The following LUZP1 variants were observed in gnomAD, a reference collection of about 807,000 sequenced individuals.
LUZP1 encodes leucine zipper protein 1, also known as filamin mechanobinding actin cross-linking protein.
In LUZP1, 25 loss-of-function variants were observed where a neutral mutation model predicts 71.3. The ratio of observed to expected loss-of-function variants is 0.35; its 90% CI spans 0.26 to 0.49. LUZP1 has a LOEUF of 0.49. Ranked by LOEUF, LUZP1 falls within the 20% of genes least tolerant of loss-of-function variation. LUZP1 has a pLI of 0.99. For missense variants in LUZP1, 1,142 were observed against 1,300.8 expected, an observed-to-expected ratio of 0.88 and a Z score of 1.88; for synonymous variants, 481 against 506.4, an observed-to-expected ratio of 0.95 and a Z score of 0.67.
intron 3 of LUZP1, among the ~76,000 whole-genome samples, chr1:23,101,388 G>C (rs1048619423): frequency 1.3e-5 from 2 of 152,154 alleles, no homozygotes; most frequent in African/African-American, 4.8e-5. Context: ...TTTTCCCAAA[G>C]TACGCAGCTA....
chr1:23,090,606 G>C (rs1335142796), intron 4 of LUZP1: 1 of 534,930 alleles, frequency 1.9e-6, no homozygotes, highest in Non-Finnish European at 3.3e-6. Flanking sequence ...CTGATAATAT[G>C]AGACAGACAG....
intron 1 of LUZP1, among the ~76,000 whole-genome samples, chr1:23,170,656 G>A (rs536073927): frequency 8.6e-5 from 13 of 151,502 alleles, no homozygotes; most frequent in East Asian, 2.0e-4. Context: ...TAGTAGAGAC[G>A]GTGTTTCACC....
intron 2 of LUZP1, among the ~76,000 whole-genome samples, chr1:23,133,176 G>A (rs553453146): frequency 6.6e-6 from 1 of 152,216 alleles, no homozygotes; most frequent in Non-Finnish European, 1.5e-5. Context: ...ATAAGTCTAT[G>A]ATGGGAAACT....
At chr1:23,134,455 T>G (rs1217759791) in intron 2 of LUZP1, among the ~76,000 whole-genome samples, 1 of 151,930 alleles carries the variant, frequency 6.6e-6, no homozygotes, top group Non-Finnish European at 1.5e-5. Flanking sequence ...GCACTCCAGC[T>G]TTGGTGAAAA....
At chr1:23,144,171 A>G (rs1644325652) in intron 2 of LUZP1, among the ~76,000 whole-genome samples, 1 of 152,240 alleles carries the variant, frequency 6.6e-6, no homozygotes, top group Non-Finnish European at 1.5e-5. Context: ...GTGACTTCTC[A>G]AAGACTCTTC....
chr1:23,103,334 C>T (rs1022952926), intron 3 of LUZP1, among the ~76,000 whole-genome samples: 1 of 152,144 alleles, frequency 6.6e-6, no homozygotes, highest in Non-Finnish European at 1.5e-5. Flanking sequence ...TCAACTCTTG[C>T]ACATTTCTAT....
chr1:23,168,720 C>CCTCCCCGCGCCGCG (rs1366536164), intron 2 of LUZP1, 46 bp downstream of exon 1: 10 of 153,876 alleles, frequency 6.5e-5, no homozygotes, highest in Non-Finnish European at 1.3e-4. Flanking sequence ...GCCGCCCTCC[C>CCTCCCCGCGCCGCG]CTCCCCGCGC....
At position 23,094,028 on chromosome 1, in the gene LUZP1, T is replaced by A. The variant is rs758097272; in HGVS notation, c.234A>T (p.Lys78Asn). The A allele has an allele frequency of 6.2e-7, 1 of 1,614,220 alleles. No homozygotes were observed. Among genetic ancestry groups the A allele is most frequent in the East Asian group, 2.2e-5 (1 of 44,884 alleles). Residue 78 changes from lysine (K) to asparagine (N), a missense_variant, in exon 4 of 5, where the codon AAA (lysine) becomes AAT (asparagine). Coordinates refer to ENST00000302291, the Ensembl canonical transcript of LUZP1. The surrounding 1 kb of genome is among the most constrained non-coding windows in gnomAD (Gnocchi z 4.7). ...CCTCTGCTCTCTTAATTTCCTCGTC[T>A]TTGCCTTCAATTCTCAGCACCCGCT...
intron 2 of LUZP1, among the ~76,000 whole-genome samples, chr1:23,130,501 A>G (rs1644205845): frequency 6.7e-6 from 1 of 149,634 alleles, no homozygotes; most frequent in African/African-American, 2.5e-5. Context: ...GGTTATCCTT[A>G]GGATCCACCA....
intron 2 of LUZP1, among the ~76,000 whole-genome samples, chr1:23,133,138 AATCT>A (rs959674175): frequency 5.3e-5 from 8 of 152,218 alleles, no homozygotes. Context: ...ATGAAGACCC[AATCT>A]TTCAGCCTTA....
chr1:23,139,019 A>AAAAAATAT (rs1317355746), intron 2 of LUZP1, among the ~76,000 whole-genome samples: 63 of 59,916 alleles, frequency 1.1e-3, no homozygotes, highest in Non-Finnish European at 1.3e-3. Flanking sequence ...AAAAAAAAAA[A>AAAAAATAT]ATATATATAT....
chr1:23,106,914 A>G (rs1643986749), intron 3 of LUZP1, among the ~76,000 whole-genome samples: 1 of 152,164 alleles, frequency 6.6e-6, no homozygotes, highest in African/African-American at 2.4e-5. Context: ...TAAGCTCTTT[A>G]GTGCACCTCA....
At chr1:23,090,222 T>A (rs1224424708) in intron 4 of LUZP1, among the ~76,000 whole-genome samples, 1 of 152,154 alleles carries the variant, frequency 6.6e-6, no homozygotes, top group Non-Finnish European at 1.5e-5. Flanking sequence ...CTGGGTGACC[T>A]TAGGTAAGAT....
chr1:23,172,385 G>A (rs1001420402), intron 1 of LUZP1, among the ~76,000 whole-genome samples: 3 of 152,116 alleles, frequency 2.0e-5, no homozygotes, highest in Admixed American at 6.6e-5. Flanking sequence ...TAGGCCAGGC[G>A]CAGTGGCTCA....
At chr1:23,100,972 A>G (rs1294335839) in intron 3 of LUZP1, among the ~76,000 whole-genome samples, 5 of 152,224 alleles carry the variant, frequency 3.3e-5, no homozygotes, top group Admixed American at 3.3e-4. Context: ...CTCTATGTTC[A>G]GGATTCTTCC....
In LUZP1 at chr1:23,093,212, C is replaced by A. The variant is rs1643873706; in HGVS notation, c.1050G>T (p.Gln350His). 1 of 1,614,112 alleles carries A rather than the reference C, an allele frequency of 6.2e-7. No individual in the cohort carries two copies. Among genetic ancestry groups the A allele is most frequent in the East Asian group, 2.2e-5 (1 of 44,878 alleles). The change falls in exon 4 of 5, where the codon CAG (glutamine) becomes CAT (histidine). Residue 350 changes from glutamine (Q) to histidine (H), a missense_variant. Transcript: ENST00000302291. This position sits in a 1 kb window ranked among gnomAD's most constrained non-coding sequence, Gnocchi z 4.2. Reference sequence around the variant, plus strand: ...CTACCTCTCCATTTTCTAACTCTTTCTGTTTCTTGATTTGTAGCTTTATCT... The same window carrying A: ...CTACCTCTCCATTTTCTAACTCTTTATGTTTCTTGATTTGTAGCTTTATCT...
intron 3 of LUZP1, among the ~76,000 whole-genome samples, chr1:23,101,894 C>T (rs1174269505): frequency 6.6e-6 from 1 of 152,040 alleles, no homozygotes; most frequent in Non-Finnish European, 1.5e-5. Flanking sequence ...AGCATTTTGC[C>T]AAGATAAGTA....
exon 5 of LUZP1, chr1:23,084,870 T>G (rs1221552191): frequency 1.3e-5 from 2 of 152,194 alleles, no homozygotes; most frequent in Non-Finnish European, 2.9e-5. Context: ...CACAATGAAA[T>G]AAATAAATAT....
chr1:23,150,951 T>C (rs1483412818), intron 2 of LUZP1, among the ~76,000 whole-genome samples: 3 of 152,224 alleles, frequency 2.0e-5, no homozygotes, highest in Non-Finnish European at 4.4e-5. Flanking sequence ...TGTTGTGTTC[T>C]ACAAAGGCAT....
Sources: allele counts gnomAD v4.1 joint callset (sites outside exome capture counted in the v4.1 genomes callset), GRCh38; gene constraint gnomAD v4.1.1; non-coding constraint Gnocchi (gnomAD v3.1); transcripts MANE v1.5; gene names NCBI Gene and HGNC (gene_info 2026-07-23, HGNC 2026-07-21).